TSPAN11: variants seen among roughly 807,000 people sequenced by gnomAD.
The protein encoded by TSPAN11 is tetraspanin-11.
In TSPAN11, 29 loss-of-function variants were observed where a neutral mutation model predicts 32.9. The ratio of observed to expected loss-of-function variants is 0.88; its 90% confidence interval spans 0.66 to 1.20. The LOEUF is 1.20. Among genes scored for constraint, TSPAN11 ranks in the 50% most tolerant of loss-of-function variants. TSPAN11 has a pLI of 0.00. For missense variants in TSPAN11, 283 were observed against 329.1 expected, an observed-to-expected ratio of 0.86 and a Z score of 1.08; for synonymous variants, 140 against 141.3, an observed-to-expected ratio of 0.99 and a Z score of 0.07.
chr12:31,015,096 A>T, the TSPAN11 span, among the ~76,000 whole-genome samples: 1 of 152,212 alleles, frequency 6.6e-6, no homozygotes. This position sits in a 1 kb window ranked among gnomAD's most constrained non-coding sequence, Gnocchi z 4.9. Context: ...ATTCTTTAAT[A>T]ATGGTGCTTT....
At chr12:30,983,018 T>C (rs1383056534) in intron 6 of TSPAN11, 46 bp from the exon 7 acceptor site, 1 of 1,580,630 alleles carries the variant, frequency 6.3e-7, no homozygotes, top group Non-Finnish European at 8.6e-7. Context: ...TCCCCACCCA[T>C]GCCTGCTCCT....
intron 1 of TSPAN11, among the ~76,000 whole-genome samples, chr12:30,945,855 A>G (rs1341880819): frequency 1.3e-5 from 2 of 152,054 alleles, no homozygotes; most frequent in Non-Finnish European, 2.9e-5. Flanking sequence ...AATGGCCCCC[A>G]GGGCCTGCTG....
intron 1 of TSPAN11, among the ~76,000 whole-genome samples, chr12:30,927,971 C>G (rs1054879627): frequency 6.6e-6 from 1 of 152,198 alleles, no homozygotes; most frequent in Non-Finnish European, 1.5e-5. Flanking sequence ...GTAAGGGGCA[C>G]TACTGGCCTA....
chr12:30,945,426 G>A (rs1484736009), intron 1 of TSPAN11, among the ~76,000 whole-genome samples: 1 of 152,110 alleles, frequency 6.6e-6, no homozygotes, highest in Non-Finnish European at 1.5e-5. Context: ...CTGGCCCAGG[G>A]CCTGAAAATG....
At chr12:30,964,773 A>G (rs1938694228) in intron 3 of TSPAN11, among the ~76,000 whole-genome samples, 1 of 152,234 alleles carries the variant, frequency 6.6e-6, no homozygotes, top group African/African-American at 2.4e-5. Flanking sequence ...TGAAATAACC[A>G]AGCAGTTTCA....
At chr12:30,957,821 TTCCC>T (rs1161306874) in intron 2 of TSPAN11, among the ~76,000 whole-genome samples, 1 of 5,006 alleles carries the variant, frequency 2.0e-4, no homozygotes, top group African/African-American at 6.7e-4. Flanking sequence ...CCTTCCCTCC[TTCCC>T]TCCCTCCCTC....
chr12:30,954,183 A>T lies in TSPAN11; in HGVS notation c.84+108A>T, dbSNP rs950485506. The T allele has an allele frequency of 1.2e-5, 9 of 778,806 alleles. No individual in the cohort carries two copies. The Admixed American group carries it at 1.7e-4, about 15-fold the overall frequency. 48.2% of individuals were successfully genotyped at this position (778,806 alleles called of 1,614,324 possible). On this transcript the variant is annotated intron_variant, in intron 2 of 7. Coordinates refer to ENST00000546076, the MANE Select transcript of TSPAN11 (RefSeq NM_001370302.1). Reference sequence around the variant, plus strand: ...GAGGTTGATATCTTCCAAATCAAAGATCAACGATCAACCATGGGTGAATTC... The same window carrying T: ...GAGGTTGATATCTTCCAAATCAAAGTTCAACGATCAACCATGGGTGAATTC...
At chr12:30,962,170 G>A (rs73088072) in intron 2 of TSPAN11, among the ~76,000 whole-genome samples, 11,985 of 151,540 alleles carry the variant, frequency 0.079, 638 homozygotes, top group Non-Finnish European at 0.12. Context: ...CGGAATTGAA[G>A]AAATCTGCGT....
chr12:31,003,280 C>T, the TSPAN11 span, among the ~76,000 whole-genome samples: 1 of 152,186 alleles, frequency 6.6e-6, no homozygotes, highest in South Asian at 2.1e-4. Flanking sequence ...GTGTGGGGAC[C>T]GTTCTGCAGG....
intron 1 of TSPAN11, among the ~76,000 whole-genome samples, chr12:30,939,904 A>C (rs1468829765): frequency 6.6e-6 from 1 of 152,202 alleles, no homozygotes; most frequent in East Asian, 1.9e-4. Context: ...GATTATTTTC[A>C]AAAGGATTTT....
intron 2 of TSPAN11, among the ~76,000 whole-genome samples, chr12:30,956,466 G>T (rs954953202): frequency 2.0e-5 from 3 of 152,090 alleles, no homozygotes; most frequent in African/African-American, 7.2e-5. Flanking sequence ...AAAATTCAGA[G>T]CCATCTTCAC....
intron 3 of TSPAN11, among the ~76,000 whole-genome samples, chr12:30,974,631 C>T (rs1212007736): frequency 6.6e-6 from 1 of 152,220 alleles, no homozygotes; most frequent in Non-Finnish European, 1.5e-5. Flanking sequence ...TATGTCTAGA[C>T]CCAGCACCAT....
rs1937850449 is a variant in TSPAN11 at position 30,928,578 on chromosome 12, T to C, written c.-12+1782T>C. Among the ~76,000 whole-genome samples the C allele has an allele frequency of 2.0e-5, 3 of 152,186 alleles. No individual in the cohort carries two copies. The South Asian group carries it at 6.2e-4, about 32-fold the overall frequency. ...GTCACTGAGACTTCTTTGTATGTGA[T>C]AGCTGTTTAGTAGTGTTTGTAAAAG... On this transcript the variant is annotated intron_variant, in intron 1 of 7. Transcript: ENST00000546076.
intron 7 of TSPAN11, among the ~76,000 whole-genome samples, chr12:30,985,224 A>T (rs1939177854): frequency 6.6e-6 from 1 of 151,912 alleles, no homozygotes; most frequent in African/African-American, 2.4e-5. Flanking sequence ...TCTGAGTCTC[A>T]GTTACTCATT....
chr12:30,973,139 A>T (rs1592487726), intron 3 of TSPAN11, among the ~76,000 whole-genome samples: 2 of 152,308 alleles, frequency 1.3e-5, no homozygotes, highest in African/African-American at 4.8e-5. Context: ...GTCAGAGCAC[A>T]GGTTCTGCAG....
intron 7 of TSPAN11, among the ~76,000 whole-genome samples, chr12:30,984,251 G>C (rs910981132): frequency 6.6e-6 from 1 of 152,254 alleles, no homozygotes. Flanking sequence ...TTTGGCCTCA[G>C]AAGGCCCAGT....
chr12:30,933,836 T>C (rs1364133394), intron 1 of TSPAN11, among the ~76,000 whole-genome samples: 5 of 152,142 alleles, frequency 3.3e-5, no homozygotes, highest in African/African-American at 9.7e-5. Context: ...TTGGTTCAGA[T>C]TGAGTTGGGA....
At chr12:31,012,934 G>A in the TSPAN11 span, among the ~76,000 whole-genome samples, 2 of 152,210 alleles carry the variant, frequency 1.3e-5, no homozygotes, top group African/African-American at 4.8e-5. Flanking sequence ...TGAATTTCTT[G>A]TTAGTTACCA....
At position 30,957,687 on chromosome 12, in the gene TSPAN11, GCCTC is replaced by G. The variant is rs1287656730; in HGVS notation, c.84+3630_84+3633del. Among the ~76,000 whole-genome samples, 15 of 50,638 alleles carry G rather than the reference GCCTC, an allele frequency of 3.0e-4. 1 individual carries two copies. Among genetic ancestry groups the G allele is most frequent in the South Asian group, 2.1e-3 (2 of 936 alleles). 33.2% of individuals were successfully genotyped at this position (50,638 alleles called of 152,430 possible). On this transcript the variant is annotated intron_variant, in intron 2 of 7. Coordinates refer to ENST00000546076, the MANE Select transcript of TSPAN11 (RefSeq NM_001370302.1). ...TTGCTTCCTTCCATCCTCCTGTCCT[GCCTC>G]CCTCCCTCCCTCCCTCCTTCCTTCC...
Sources: allele counts gnomAD v4.1 joint callset (sites outside exome capture counted in the v4.1 genomes callset), GRCh38; gene constraint gnomAD v4.1.1; non-coding constraint Gnocchi (gnomAD v3.1); transcripts MANE v1.5; gene names NCBI Gene and HGNC (gene_info 2026-07-23, HGNC 2026-07-21).